AGFG1: variants seen among roughly 807,000 people sequenced by gnomAD.
AGFG1 encodes arf-GAP domain and FG repeat-containing protein 1.
Under a neutral mutation model 60.6 loss-of-function variants are expected in AGFG1, and 10 were observed. That is an observed-to-expected ratio of 0.16 (90% CI 0.10 to 0.28). The LOEUF (loss-of-function observed/expected upper bound fraction) is 0.28, where lower values mean the gene tolerates loss of function less well. Among genes scored for constraint, AGFG1 ranks in the 10% least tolerant of loss-of-function variants. AGFG1 has a pLI of 1.00. For missense variants in AGFG1, 537 were observed against 676.5 expected (o/e 0.79, Z 2.29); for synonymous variants, 247 against 242.9 (o/e 1.02, Z -0.16).
At chr2:227,539,457 A>AAAAAAAAAAAAAAC (rs139764867) in intron 10 of AGFG1, among the ~76,000 whole-genome samples, 1 of 129,944 alleles carries the variant, frequency 7.7e-6, no homozygotes, top group East Asian at 2.3e-4. Flanking sequence ...AAAACAAAAA[A>AAAAAAAAAAAAAAC]CACATGTTAA....
chr2:227,491,163 C>T (rs1289773377), intron 1 of AGFG1, among the ~76,000 whole-genome samples: 1 of 152,106 alleles, frequency 6.6e-6, no homozygotes, highest in Non-Finnish European at 1.5e-5. Flanking sequence ...CTTATTATAT[C>T]ATTGTTTCTT....
chr2:227,507,356 T>C (rs2106190037), intron 2 of AGFG1, among the ~76,000 whole-genome samples: 1 of 152,048 alleles, frequency 6.6e-6, no homozygotes, highest in African/African-American at 2.4e-5. Flanking sequence ...ATCCCAGCAC[T>C]TTTGGGAGGC....
intron 1 of AGFG1, among the ~76,000 whole-genome samples, chr2:227,488,344 A>G (rs1039980518): frequency 6.6e-6 from 1 of 152,246 alleles, no homozygotes; most frequent in Non-Finnish European, 1.5e-5. Context: ...CGTAACTTAA[A>G]AAGAGTTAGG....
At chr2:227,477,344 T>C (rs1312057158) in intron 1 of AGFG1, among the ~76,000 whole-genome samples, 1 of 152,230 alleles carries the variant, frequency 6.6e-6, no homozygotes, top group African/African-American at 2.4e-5. Flanking sequence ...GCTAGCTGTG[T>C]GACAGACATT....
At chr2:227,533,117 A>G (rs548606067) in intron 6 of AGFG1, among the ~76,000 whole-genome samples, 2 of 152,128 alleles carry the variant, frequency 1.3e-5, no homozygotes, top group Non-Finnish European at 2.9e-5. Context: ...GTTAATCGCT[A>G]CCCCTGGGAT....
rs1559173411 is a variant in AGFG1 at position 227,497,723 on chromosome 2, C to CTTGTT, written c.261+6085_261+6086insGTTTT. Among the ~76,000 whole-genome samples the CTTGTT allele has an allele frequency of 2.1e-4, 17 of 80,264 alleles. 1 individual carries two copies. Among genetic ancestry groups the CTTGTT allele is most frequent in the Non-Finnish European group, 2.7e-4 (11 of 40,090 alleles). The allele number at this position is 80,264 out of a possible 152,430, so 52.7% of individuals were successfully genotyped here. A position where few individuals can be genotyped will look rare whatever the true frequency, so the allele number is the denominator to read the frequency against. Reference sequence around the variant, plus strand: ...CAAGCATATATAGCCAAATGAGTTTCTTTCTTGTTTTGTTTTTTTTTTTTT... The same window carrying CTTGTT: ...CAAGCATATATAGCCAAATGAGTTTCTTGTTTTTCTTGTTTTGTTTTTTTTTTTTT... On this transcript the variant is annotated intron_variant, in intron 2 of 12. Transcript: ENST00000310078.
Position 227,497,239 on chromosome 2 carries a change from A to G in AGFG1, c.261+5599A>G, listed in dbSNP as rs1442786506. 2.6e-5 allele frequency among the ~76,000 whole-genome samples: 4 copies of G among 150,972 alleles called. No homozygotes were observed. The East Asian group carries it at 7.8e-4, about 29-fold the overall frequency. On this transcript the variant is annotated intron_variant, in intron 2 of 12. Coordinates refer to ENST00000310078, the MANE Select transcript of AGFG1 (RefSeq NM_004504.5). ...GATTAAGGCAGTATAAAAACAGGCT[A>G]GTGATGACCCAGTTTGGTCTGCAGA...
Position 227,560,057 on chromosome 2 carries a change from T to C in AGFG1, c.*5562T>C, listed in dbSNP as rs1478659455. ...CTTGTGTAGTCTTTAAGAAATGTTA[T>C]CGTTTATTTTATATATGGCTCTCTC... On this transcript the variant is annotated 3_prime_UTR_variant, in exon 13 of 13. Coordinates refer to ENST00000310078, the MANE Select transcript of AGFG1 (RefSeq NM_004504.5). 1 of 152,152 alleles carries C rather than the reference T, an allele frequency of 6.6e-6. No individual in the cohort carries two copies. The highest frequency in any genetic ancestry group is 2.4e-5 in the African/African-American group (1 of 41,458). The allele number at this position is 152,152 out of a possible 1,614,324, so 9.4% of individuals were successfully genotyped here.
intron 11 of AGFG1, 58 bp downstream of exon 11, chr2:227,552,175 A>C: frequency 2.5e-6 from 4 of 1,593,830 alleles, no homozygotes; most frequent in Non-Finnish European, 8.6e-7. Flanking sequence ...TTTATATCAT[A>C]ATGTTGTGTG....
chr2:227,553,947 T>A, intron 12 of AGFG1, 152 bp downstream of exon 12: 1 of 582,764 alleles, frequency 1.7e-6, no homozygotes, highest in East Asian at 2.9e-5. Flanking sequence ...AGAGCCATTA[T>A]GTGTGATCCT....
chr2:227,491,941 A>G, intron 2 of AGFG1, among the ~76,000 whole-genome samples: 1 of 152,184 alleles, frequency 6.6e-6, no homozygotes. Flanking sequence ...CTTCGCTTCA[A>G]AAGTCAAAAA....
intron 2 of AGFG1, among the ~76,000 whole-genome samples, chr2:227,498,360 A>G (rs1221339560): frequency 6.6e-6 from 1 of 152,232 alleles, no homozygotes; most frequent in Non-Finnish European, 1.5e-5. Context: ...TAATACATTG[A>G]AAAACATTTT....
intron 2 of AGFG1, among the ~76,000 whole-genome samples, chr2:227,502,792 T>C (rs1028673442): frequency 2.0e-5 from 3 of 152,224 alleles, no homozygotes; most frequent in African/African-American, 7.2e-5. Context: ...AGCTTTACAT[T>C]TACATCTGTG....
At chr2:227,546,799 A>G (rs1222045534) in intron 10 of AGFG1, among the ~76,000 whole-genome samples, 3 of 152,236 alleles carry the variant, frequency 2.0e-5, no homozygotes, top group Non-Finnish European at 2.9e-5. Flanking sequence ...GGAAATTTTT[A>G]TAACTCTTAG....
At chr2:227,539,278 A>G (rs1692407765) in intron 10 of AGFG1, among the ~76,000 whole-genome samples, 2 of 151,996 alleles carry the variant, frequency 1.3e-5, no homozygotes, top group African/African-American at 4.8e-5. Context: ...CCCTGTCTCT[A>G]CTAAAAATGC....
intron 3 of AGFG1, among the ~76,000 whole-genome samples, chr2:227,521,871 T>C (rs1324819537): frequency 6.6e-6 from 1 of 152,256 alleles, no homozygotes; most frequent in East Asian, 1.9e-4. Context: ...TTATTTTTTT[T>C]CTTTCCTGAG....
chr2:227,523,711 A>G, intron 3 of AGFG1, 52 bp from the exon 4 acceptor site: 1 of 1,530,296 alleles, frequency 6.5e-7, no homozygotes. Context: ...TCATTTTTTG[A>G]TATAGAATTA....
chr2:227,522,695 A>G (rs1691860566), intron 3 of AGFG1, among the ~76,000 whole-genome samples: 1 of 152,340 alleles, frequency 6.6e-6, no homozygotes, highest in East Asian at 1.9e-4. Flanking sequence ...GCTCTTAAGC[A>G]TGGTTTTCCT....
At position 227,558,687 on chromosome 2, in the gene AGFG1, G is replaced by A. The variant is rs1451185951; in HGVS notation, c.*4192G>A. ...TGTGAACAGATGAATATATAACCACGATGTAATCCAGTGTTGTGCTGCTGA... is the reference window on the plus strand; with the variant it reads ...TGTGAACAGATGAATATATAACCACAATGTAATCCAGTGTTGTGCTGCTGA... On this transcript the variant is annotated 3_prime_UTR_variant, in exon 13 of 13. Coordinates refer to ENST00000310078, the MANE Select transcript of AGFG1 (RefSeq NM_004504.5). 1 of 152,080 alleles carries A rather than the reference G, an allele frequency of 6.6e-6. No homozygotes were observed. The highest frequency in any genetic ancestry group is 1.5e-5 in the Non-Finnish European group (1 of 68,014). The allele number at this position is 152,080 out of a possible 1,614,324, so 9.4% of individuals were successfully genotyped here.
Sources: gnomAD v4.1 joint callset for allele counts (sites outside exome capture counted in the v4.1 genomes callset) on GRCh38, gnomAD v4.1.1 for gene constraint, MANE v1.5 for transcripts, NCBI Gene and HGNC (gene_info 2026-07-23, HGNC 2026-07-21) for gene names.